The following STOX2 variants were observed in gnomAD, a reference collection of about 807,000 sequenced individuals.
The protein encoded by STOX2 is storkhead box 2.
Under a neutral mutation model 60.9 loss-of-function variants are expected in STOX2, and 28 were observed. The observed-to-expected ratio is 0.46, with a 90% CI of 0.34 to 0.63. The LOEUF (loss-of-function observed/expected upper bound fraction) is 0.63. STOX2 is among the 30% of genes least tolerant of loss of function. The pLI is 0.01. For synonymous variants in STOX2, 472 were observed against 463.9 expected, an observed-to-expected ratio of 1.02 and a Z score of -0.22; for missense variants, 1,024 against 1,187.7, an observed-to-expected ratio of 0.86 and a Z score of 2.03.
At chr4:183,899,414 A>G (rs147915855) in intron 1 of STOX2, among the ~76,000 whole-genome samples, 1,539 of 152,364 alleles carry the variant, frequency 0.01, 35 homozygotes, top group African/African-American at 0.035. Context: ...AAGTCAGCCA[A>G]GTTATGAATG....
At chr4:183,844,239 C>T (rs191066838) in intron 1 of STOX2, among the ~76,000 whole-genome samples, 140 of 152,054 alleles carry the variant, frequency 9.2e-4, no homozygotes, top group African/African-American at 2.8e-3. Context: ...TCCCATGTTC[C>T]GGTTGAATAT....
At chr4:183,834,358 T>G (rs1364538449) in intron 1 of STOX2, among the ~76,000 whole-genome samples, 1 of 152,050 alleles carries the variant, frequency 6.6e-6, no homozygotes, top group Non-Finnish European at 1.5e-5. Flanking sequence ...GTGACTACCT[T>G]GTTTGTGGCT....
intron 1 of STOX2, among the ~76,000 whole-genome samples, chr4:183,973,905 A>G (rs1396308837): frequency 6.6e-6 from 1 of 152,204 alleles, no homozygotes; most frequent in Non-Finnish European, 1.5e-5. Context: ...GAGGCAGGAG[A>G]ATTGCTTTAA....
chr4:183,955,145 G>A (rs1047619279), intron 1 of STOX2, among the ~76,000 whole-genome samples: 7 of 151,998 alleles, frequency 4.6e-5, no homozygotes, highest in African/African-American at 1.5e-4. Flanking sequence ...TCTCTTCCTG[G>A]TAGCCTAAGG....
intron 1 of STOX2, among the ~76,000 whole-genome samples, chr4:183,939,649 C>G (rs1248966257): frequency 1.3e-5 from 2 of 151,144 alleles, no homozygotes; most frequent in African/African-American, 4.9e-5. Context: ...ATAATGTGCT[C>G]AAGTGGTTGC....
intron 1 of STOX2, among the ~76,000 whole-genome samples, chr4:183,939,943 G>A (rs1176408414): frequency 1.3e-5 from 2 of 152,126 alleles, no homozygotes; most frequent in Non-Finnish European, 2.9e-5. Flanking sequence ...TCGCTCTGTC[G>A]CTCAGGCTGG....
rs115614234 is a variant in STOX2 at position 183,843,316 on chromosome 4, C to T, written c.364+45261C>T. On this transcript the variant is annotated intron_variant, in intron 1 of 2. Transcript: ENST00000513034. ...AGTTCACACAGAGACGTCACCCTGA[C>T]CCGTAGGACTCCGCAGAACTCAGTG... Among the ~76,000 whole-genome samples, 231 of 152,224 alleles carry T rather than the reference C, an allele frequency of 1.5e-3. 1 individual carries two copies. Among genetic ancestry groups the T allele is most frequent in the African/African-American group, 5.3e-3 (220 of 41,532 alleles).
chr4:183,817,954 G>C (rs1739189680), intron 1 of STOX2, among the ~76,000 whole-genome samples: 1 of 152,034 alleles, frequency 6.6e-6, no homozygotes, highest in Non-Finnish European at 1.5e-5. Context: ...TCACGCAGCA[G>C]AACACTTGGG....
intron 1 of STOX2, among the ~76,000 whole-genome samples, chr4:183,944,374 A>G (rs1742831751): frequency 6.6e-6 from 1 of 152,228 alleles, no homozygotes. Flanking sequence ...ATACTACATT[A>G]AGACCCTGTC....
intron 1 of STOX2, among the ~76,000 whole-genome samples, chr4:183,874,883 G>A (rs187700246): frequency 8.1e-4 from 92 of 113,830 alleles, no homozygotes; most frequent in African/African-American, 2.8e-3. Context: ...CCAAGATCAT[G>A]CCACTGCACT....
chr4:183,887,078 G>GT lies in STOX2; in HGVS notation c.364+89024dup, dbSNP rs566642386. Among the ~76,000 whole-genome samples the GT allele has an allele frequency of 5.3e-3, 801 of 152,132 alleles. 4 individuals are homozygous for GT. Among genetic ancestry groups the GT allele is most frequent in the Middle Eastern group, 0.027 (8 of 294 alleles). Reference sequence around the variant, plus strand: ...GTTCAAGACCAACCTGGCCAAAATGGTGAAACCCTGTCTCTCCTAAAAATG... The same window carrying GT: ...GTTCAAGACCAACCTGGCCAAAATGGTTGAAACCCTGTCTCTCCTAAAAATG... On this transcript the variant is annotated intron_variant, in intron 1 of 2. Coordinates refer to the STOX2 transcript ENST00000513034.
In STOX2 at chr4:183,906,838, G is replaced by T; in HGVS notation, c.48G>T (p.Ser16=). 1.3e-6 allele frequency: 2 copies of T among 1,555,860 alleles called. No homozygotes were observed. Among genetic ancestry groups the T allele is most frequent in the Non-Finnish European group, 8.7e-7 (1 of 1,149,712 alleles). ...CCTTGCGGCGAGCCTGGCCTAGCTC[G>T]GATTTCTCGGACCGGGCCTCGGACC... The part of the protein sequence containing the change: ...STTLRRAWPS[S]DFSDRASDRM... Residue 16 remains serine (S), a synonymous_variant, in exon 1 of 4, where the codon TCG becomes TCT. Coordinates refer to ENST00000308497, the MANE Select transcript of STOX2 (RefSeq NM_020225.3).
At chr4:184,008,862 C>G (rs7662026) in intron 2 of STOX2, among the ~76,000 whole-genome samples, 146,901 of 152,256 alleles carry the variant, frequency 0.96, 71,100 homozygotes, top group East Asian at 1. Flanking sequence ...TTCTGTCTTT[C>G]CTGTTTCGTT....
Position 184,011,796 on chromosome 4 carries a change from G to A in STOX2, c.2585+373G>A, listed in dbSNP as rs1478513585. On this transcript the variant is annotated intron_variant, in intron 3 of 3. Coordinates refer to ENST00000308497, the MANE Select transcript of STOX2 (RefSeq NM_020225.3). This position sits in a 1 kb window ranked among gnomAD's most constrained non-coding sequence, Gnocchi z 4.4. Reference sequence around the variant, plus strand: ...ACTTTTTGAGTAGAATAAATAGTCTGGGGGCGGGGGAGGAAGATAGGGGTT... The same window carrying A: ...ACTTTTTGAGTAGAATAAATAGTCTAGGGGCGGGGGAGGAAGATAGGGGTT... Among the ~76,000 whole-genome samples the A allele has an allele frequency of 2.0e-5, 3 of 152,164 alleles. No homozygotes were observed. The highest frequency in any genetic ancestry group is 2.0e-4 in the Admixed American group (3 of 15,288).
rs577275325 is a variant in STOX2 at position 183,865,304 on chromosome 4, C to T, written c.364+67249C>T. On this transcript the variant is annotated intron_variant, in intron 1 of 2. Coordinates refer to the STOX2 transcript ENST00000513034. The surrounding 1 kb of genome is among the most constrained non-coding windows in gnomAD (Gnocchi z 4.1). ...TATTTATTCTCTCTCTTCTTAGATA[C>T]TCGGTTTTAAAGTGACTGGGGTGGG... 6.6e-6 allele frequency among the ~76,000 whole-genome samples: 1 copy of T among 152,220 alleles called. No homozygotes were observed. The highest frequency in any genetic ancestry group is 2.1e-4 in the South Asian group (1 of 4,824).
At chr4:183,844,919 C>T (rs1420457196) in intron 1 of STOX2, among the ~76,000 whole-genome samples, 3 of 152,176 alleles carry the variant, frequency 2.0e-5, no homozygotes, top group African/African-American at 7.2e-5. Context: ...TTACAGATTA[C>T]AAATGACATC....
At chr4:183,882,658 G>T (rs975936086) in intron 1 of STOX2, among the ~76,000 whole-genome samples, 2 of 152,148 alleles carry the variant, frequency 1.3e-5, no homozygotes, top group Non-Finnish European at 2.9e-5. Context: ...ACTATGCCTG[G>T]GTTACACTTT....
chr4:183,963,910 G>T (rs990588097), intron 1 of STOX2, among the ~76,000 whole-genome samples: 31 of 151,754 alleles, frequency 2.0e-4, no homozygotes, highest in Admixed American at 5.9e-4. Flanking sequence ...CTAGTAGCTG[G>T]GACTACAGGC....
At chr4:183,997,055 C>T (rs528549669) in intron 1 of STOX2, among the ~76,000 whole-genome samples, 14 of 152,324 alleles carry the variant, frequency 9.2e-5, no homozygotes, top group South Asian at 2.1e-4. Context: ...GTGGCATTCA[C>T]GTTGCCTTCT....
Sources: gnomAD v4.1 joint callset for allele counts (sites outside exome capture counted in the v4.1 genomes callset) on GRCh38, gnomAD v4.1.1 for gene constraint, Gnocchi (gnomAD v3.1) non-coding constraint, MANE v1.5 for transcripts, NCBI Gene and HGNC (gene_info 2026-07-23, HGNC 2026-07-21) for gene names.